NKAIN1: variants seen among roughly 807,000 people sequenced by gnomAD.
NKAIN1 encodes the protein sodium/potassium-transporting ATPase subunit beta-1-interacting protein 1.
A neutral mutation model predicts 31.6 loss-of-function variants in NKAIN1; 13 were observed. The ratio of observed to expected loss-of-function variants is 0.41; its 90% CI spans 0.27 to 0.65. NKAIN1 has a LOEUF of 0.65. Among genes scored for constraint, NKAIN1 ranks in the 30% least tolerant of loss-of-function variants. The pLI is 0.30. For missense variants in NKAIN1, 193 were observed against 262.2 expected (o/e 0.74, Z 1.82); for synonymous variants, 104 against 109.0 (o/e 0.95, Z 0.28).
intron 1 of NKAIN1, among the ~76,000 whole-genome samples, chr1:31,225,947 C>T (rs755320660): frequency 1.3e-5 from 2 of 152,230 alleles, no homozygotes; most frequent in Non-Finnish European, 2.9e-5. Flanking sequence ...CAGGTGCCTG[C>T]TCTGCCACTT....
intron 1 of NKAIN1, among the ~76,000 whole-genome samples, chr1:31,213,494 G>C (rs879411496): frequency 6.6e-6 from 1 of 152,180 alleles, no homozygotes; most frequent in East Asian, 1.9e-4. Flanking sequence ...AAAATGGTGC[G>C]ACTGCTGTGG....
At position 31,196,329 on chromosome 1, in the gene NKAIN1, T is replaced by C. The variant is rs575557878; in HGVS notation, c.55-8142A>G. Among the ~76,000 whole-genome samples the C allele has an allele frequency of 1.3e-3, 202 of 151,982 alleles. 3 individuals are homozygous for C. Among genetic ancestry groups the C allele is most frequent in the African/African-American group, 4.4e-3 (184 of 41,492 alleles). On this transcript the variant is annotated intron_variant, in intron 1 of 6. Coordinates refer to ENST00000373736, the MANE Select transcript of NKAIN1 (RefSeq NM_024522.3). The stretch of plus-strand genomic sequence containing the variant: ...GAGATCGAGACCATCCTGGCTAACA[T>C]GGTGAAACCCTGTCTCTACTAAAAA...
intron 1 of NKAIN1, among the ~76,000 whole-genome samples, chr1:31,231,752 G>T (rs973348153): frequency 2.0e-5 from 3 of 150,614 alleles, no homozygotes; most frequent in South Asian, 2.1e-4. Context: ...GGATGGTCTC[G>T]ATCTCCTGAC....
rs1313157898 is a variant in NKAIN1, at chr1:31,232,424, T to TATATATAGAGAG, written c.54+7069_54+7070insCTCTCTATATAT. On this transcript the variant is annotated intron_variant, in intron 1 of 6. Coordinates refer to ENST00000373736, the MANE Select transcript of NKAIN1 (RefSeq NM_024522.3). ...ATATATATATATATATATATATATA[T>TATATATAGAGAG]AGAGAGAGAGAGAGAGAGAGAGAGA... Among the ~76,000 whole-genome samples the TATATATAGAGAG allele has an allele frequency of 9.5e-4, 16 of 16,918 alleles. 1 individual carries two copies. Among genetic ancestry groups the TATATATAGAGAG allele is most frequent in the Admixed American group, 1.1e-3 (1 of 900 alleles). 11.1% of individuals were successfully genotyped at this position (16,918 alleles called of 152,430 possible).
At chr1:31,193,997 A>T (rs2148352098) in intron 1 of NKAIN1, 1 of 151,994 alleles carries the variant, frequency 6.6e-6, no homozygotes, top group East Asian at 1.9e-4. Flanking sequence ...TCGTTTGGAG[A>T]TATTTTTACC....
At chr1:31,224,461 G>C (rs893179720) in intron 1 of NKAIN1, among the ~76,000 whole-genome samples, 1 of 152,070 alleles carries the variant, frequency 6.6e-6, no homozygotes, top group Non-Finnish European at 1.5e-5. Context: ...ATCCTAAATC[G>C]AAAATGCATT....
intron 1 of NKAIN1, among the ~76,000 whole-genome samples, chr1:31,228,968 G>A (rs1260497892): frequency 6.6e-6 from 1 of 152,100 alleles, no homozygotes; most frequent in Non-Finnish European, 1.5e-5. Flanking sequence ...CAGAGCCTCT[G>A]GAGGGTCTGA....
chr1:31,194,327 C>T (rs572439248), intron 1 of NKAIN1, among the ~76,000 whole-genome samples: 1 of 151,096 alleles, frequency 6.6e-6, no homozygotes, highest in East Asian at 1.9e-4. Flanking sequence ...GATCTCTGTT[C>T]TCCCCTGACC....
intron 4 of NKAIN1, 81 bp downstream of exon 4, chr1:31,183,736 C>T (rs1180414754): frequency 5.5e-6 from 8 of 1,456,684 alleles, no homozygotes; most frequent in African/African-American, 1.4e-5. Context: ...GCGTGAGCCA[C>T]TGCGCCCAAC....
intron 1 of NKAIN1, among the ~76,000 whole-genome samples, chr1:31,222,076 G>A (rs1213959230): frequency 2.6e-5 from 4 of 151,972 alleles, no homozygotes; most frequent in African/African-American, 9.7e-5. Context: ...ACAGGGTTTC[G>A]CCATATTGGC....
intron 1 of NKAIN1, among the ~76,000 whole-genome samples, chr1:31,219,025 T>C (rs1299838777): frequency 6.6e-6 from 1 of 152,226 alleles, no homozygotes; most frequent in African/African-American, 2.4e-5. Context: ...CAGACCCTTC[T>C]CTAACATTTG....
At position 31,193,540 on chromosome 1, in the gene NKAIN1, C is replaced by CA. The variant is rs1645302360; in HGVS notation, c.55-5354dup. Among the ~76,000 whole-genome samples, 4 of 151,524 alleles carry CA rather than the reference C, an allele frequency of 2.6e-5. No individual in the cohort carries two copies. In the South Asian group the frequency reaches 8.4e-4, roughly 32 times the overall value. ...GGAAAACTCGTCTCTACTAAAAATA[C>CA]AAAAAATTAGCTGGGCGTGGTGGCA... On this transcript the variant is annotated intron_variant, in intron 1 of 6. Coordinates refer to ENST00000373736, the MANE Select transcript of NKAIN1 (RefSeq NM_024522.3).
chr1:31,238,680 T>G (rs1324506348), intron 1 of NKAIN1, among the ~76,000 whole-genome samples: 1 of 152,132 alleles, frequency 6.6e-6, no homozygotes. Context: ...CACCCAAGTG[T>G]CCCCATCCCC....
intron 1 of NKAIN1, among the ~76,000 whole-genome samples, chr1:31,235,772 A>C (rs544802394): frequency 6.6e-6 from 1 of 152,284 alleles, no homozygotes; most frequent in Non-Finnish European, 1.5e-5. Context: ...CAAAGCCTAG[A>C]GTGTGGAAGA....
intron 2 of NKAIN1, among the ~76,000 whole-genome samples, chr1:31,186,754 C>T (rs1297318557): frequency 2.6e-5 from 4 of 152,218 alleles, no homozygotes; most frequent in Non-Finnish European, 4.4e-5. Flanking sequence ...GGTCAATGTG[C>T]CCCGCTCCAG....
intron 1 of NKAIN1, among the ~76,000 whole-genome samples, chr1:31,189,775 C>T (rs1191608565): frequency 2.0e-5 from 3 of 152,192 alleles, no homozygotes; most frequent in African/African-American, 7.2e-5. Flanking sequence ...CATGCTCTGC[C>T]CCTGAGAATC....
At chr1:31,198,445 C>T (rs1017815389) in intron 1 of NKAIN1, among the ~76,000 whole-genome samples, 32 of 152,128 alleles carry the variant, frequency 2.1e-4, no homozygotes, top group Non-Finnish European at 4.4e-5. Flanking sequence ...TGTGTCCAGC[C>T]GCTTGAGCTA....
At chr1:31,231,660 A>G (rs1645649506) in intron 1 of NKAIN1, among the ~76,000 whole-genome samples, 1 of 151,480 alleles carries the variant, frequency 6.6e-6, no homozygotes. Flanking sequence ...CCTCCCGAGT[A>G]GCTGGAACTA....
intron 1 of NKAIN1, among the ~76,000 whole-genome samples, chr1:31,211,932 ACT>A (rs1645473006): frequency 6.6e-6 from 1 of 151,552 alleles, no homozygotes; most frequent in Admixed American, 6.6e-5. Flanking sequence ...ACAGAGTGAG[ACT>A]CTGTCTCAAA....
Sources: gnomAD v4.1 joint callset for allele counts (sites outside exome capture counted in the v4.1 genomes callset) on GRCh38, gnomAD v4.1.1 for gene constraint, MANE v1.5 for transcripts, NCBI Gene and HGNC (gene_info 2026-07-23, HGNC 2026-07-21) for gene names.